CNTN5: variants seen among roughly 807,000 people sequenced by gnomAD.
CNTN5 encodes the protein contactin 5.
Under a neutral mutation model 129.1 loss-of-function variants are expected in CNTN5, and 77 were observed. That is an observed-to-expected ratio of 0.60 (90% CI 0.50 to 0.72). CNTN5 has a LOEUF of 0.72. Among genes scored for constraint, CNTN5 ranks in the 30% least tolerant of loss-of-function variants. The pLI is 0.00. For synonymous variants in CNTN5, 509 were observed against 465.6 expected (o/e 1.09, Z -1.20); for missense variants, 1,478 against 1,328.8 (o/e 1.11, Z -1.75).
chr11:99,571,238 G>C (rs1949165721), intron 3 of CNTN5, among the ~76,000 whole-genome samples: 1 of 152,184 alleles, frequency 6.6e-6, no homozygotes, highest in African/African-American at 2.4e-5. Context: ...ATTTAGACCT[G>C]TAGGTTTTCA....
At chr11:99,579,807 T>C (rs1306992314) in intron 3 of CNTN5, among the ~76,000 whole-genome samples, 3 of 150,922 alleles carry the variant, frequency 2.0e-5, no homozygotes, top group Non-Finnish European at 2.9e-5. Flanking sequence ...TTTTTCCTAA[T>C]TGAATGCCCT....
intron 4 of CNTN5, among the ~76,000 whole-genome samples, chr11:99,834,132 G>A (rs1466784128): frequency 6.6e-6 from 1 of 152,144 alleles, no homozygotes; most frequent in Non-Finnish European, 1.5e-5. Flanking sequence ...TGAATTGCAA[G>A]ATTACACTTA....
intron 2 of CNTN5, among the ~76,000 whole-genome samples, chr11:99,396,147 A>C (rs780218539): frequency 1.1e-4 from 16 of 150,756 alleles, no homozygotes; most frequent in Non-Finnish European, 1.9e-4. Context: ...GCCATTTTTT[A>C]ATGATATTGA....
intron 10 of CNTN5, among the ~76,000 whole-genome samples, chr11:100,065,193 C>G (rs1156403204): frequency 1.3e-5 from 2 of 152,004 alleles, no homozygotes; most frequent in African/African-American, 4.8e-5. Context: ...TATAGATTTC[C>G]TTATCTTCAT....
chr11:99,413,711 GTT>G (rs1942506806), intron 2 of CNTN5, among the ~76,000 whole-genome samples: 2 of 151,904 alleles, frequency 1.3e-5, no homozygotes, highest in Non-Finnish European at 2.9e-5. Flanking sequence ...TTCAAAATTC[GTT>G]TTTTTCTCAG....
intron 9 of CNTN5, among the ~76,000 whole-genome samples, chr11:100,025,355 G>T (rs1471102024): frequency 1.3e-5 from 2 of 152,230 alleles, no homozygotes; most frequent in Admixed American, 1.3e-4. Flanking sequence ...ATGCCTAGAT[G>T]TCCAGGCAGA....
intron 2 of CNTN5, among the ~76,000 whole-genome samples, chr11:99,388,028 A>T (rs965539711): frequency 3.9e-5 from 6 of 152,132 alleles, no homozygotes; most frequent in African/African-American, 1.4e-4. Flanking sequence ...CTATTCTTAC[A>T]ACTCCTGATT....
chr11:100,354,461 T>A (rs1952481850), intron 24 of CNTN5, among the ~76,000 whole-genome samples: 1 of 151,644 alleles, frequency 6.6e-6, no homozygotes, highest in Non-Finnish European at 1.5e-5. Context: ...TAAGAAAGAG[T>A]GACGAAAGAT....
intron 2 of CNTN5, among the ~76,000 whole-genome samples, chr11:99,426,329 C>T (rs1375127195): frequency 6.6e-6 from 1 of 151,994 alleles, no homozygotes; most frequent in Non-Finnish European, 1.5e-5. Flanking sequence ...TTCATTTATC[C>T]AAAGTGGTAA....
At chr11:99,814,016 T>C (rs2135529894) in intron 3 of CNTN5, among the ~76,000 whole-genome samples, 1 of 152,228 alleles carries the variant, frequency 6.6e-6, no homozygotes, top group Admixed American at 6.6e-5. Context: ...AGAGAAATGA[T>C]AAGGTCATGA....
intron 2 of CNTN5, among the ~76,000 whole-genome samples, chr11:99,488,901 A>G (rs1218387996): frequency 6.6e-6 from 1 of 150,988 alleles, no homozygotes; most frequent in African/African-American, 2.4e-5. Context: ...TCTGAATACT[A>G]GAAGTCTTGT....
intron 1 of CNTN5, among the ~76,000 whole-genome samples, chr11:99,033,232 G>A (rs1863497248): frequency 6.6e-6 from 1 of 151,634 alleles, no homozygotes; most frequent in South Asian, 2.1e-4. Context: ...TTTGGCTTAG[G>A]ATTGACTTGG....
chr11:99,405,200 G>C (rs7124652), intron 2 of CNTN5, among the ~76,000 whole-genome samples: 113,213 of 151,954 alleles, frequency 0.75, 43,018 homozygotes, highest in African/African-American at 0.9. Context: ...CTTGAGGTAG[G>C]CTTCTTTGAG....
chr11:99,402,275 T>C (rs1466379579), intron 2 of CNTN5, among the ~76,000 whole-genome samples: 1 of 152,194 alleles, frequency 6.6e-6, no homozygotes, highest in Non-Finnish European at 1.5e-5. Context: ...ATTTTTAACA[T>C]GAAGCGATAT....
chr11:100,044,589 T>G (rs1218829536), intron 9 of CNTN5, among the ~76,000 whole-genome samples: 1 of 152,034 alleles, frequency 6.6e-6, no homozygotes, highest in Non-Finnish European at 1.5e-5. Context: ...TGATGCTGAC[T>G]AATCTTTCAT....
chr11:99,892,326 T>G (rs975514244), intron 6 of CNTN5, among the ~76,000 whole-genome samples: 1 of 152,208 alleles, frequency 6.6e-6, no homozygotes, highest in Admixed American at 6.5e-5. Flanking sequence ...AGCTCTTTAG[T>G]TTAATTAGAT....
chr11:99,226,520 A>G (rs1044113733), intron 1 of CNTN5, among the ~76,000 whole-genome samples: 2 of 152,150 alleles, frequency 1.3e-5, no homozygotes, highest in African/African-American at 4.8e-5. Flanking sequence ...TCCCTTACAT[A>G]TCTAGGCAGA....
chr11:99,493,067 C>T (rs900927942), intron 2 of CNTN5, among the ~76,000 whole-genome samples: 1 of 152,158 alleles, frequency 6.6e-6, no homozygotes. Context: ...GACCTTCCTG[C>T]TTCTACTGCT....
At chr11:99,343,746 A>G (rs1442681822) in intron 2 of CNTN5, among the ~76,000 whole-genome samples, 1 of 152,220 alleles carries the variant, frequency 6.6e-6, no homozygotes, top group African/African-American at 2.4e-5. Flanking sequence ...TCATTCATTT[A>G]AAACATTTGA....
Sources: allele counts gnomAD v4.1 joint callset (sites outside exome capture counted in the v4.1 genomes callset), GRCh38; gene constraint gnomAD v4.1.1; transcripts MANE v1.5; gene names NCBI Gene and HGNC (gene_info 2026-07-23, HGNC 2026-07-21).